ASTN2: variants seen among roughly 807,000 people sequenced by gnomAD.
The protein encoded by ASTN2 is astrotactin-2.
A neutral mutation model predicts 139.8 loss-of-function variants in ASTN2; 54 were observed. The ratio of observed to expected loss-of-function variants is 0.39; its 90% CI spans 0.31 to 0.48. The LOEUF (loss-of-function observed/expected upper bound fraction) is 0.48. ASTN2 is among the 20% of genes least tolerant of loss of function. The probability of loss-of-function intolerance (pLI) is 0.95; values close to 1 mark genes in which losing one functional copy is unlikely to be tolerated. For missense variants in ASTN2, 1,565 were observed against 1,725.1 expected, an observed-to-expected ratio of 0.91 and a Z score of 1.64; for synonymous variants, 756 against 719.5, an observed-to-expected ratio of 1.05 and a Z score of -0.81.
chr9:116,445,933 C>A (rs1205770444), intron 20 of ASTN2, among the ~76,000 whole-genome samples: 1 of 152,166 alleles, frequency 6.6e-6, no homozygotes, highest in African/African-American at 2.4e-5. Flanking sequence ...AAGACGTCAA[C>A]CTCACAGTGC....
chr9:117,172,135 G>C (rs963373319), intron 3 of ASTN2, among the ~76,000 whole-genome samples: 2 of 152,004 alleles, frequency 1.3e-5, no homozygotes, highest in Non-Finnish European at 2.9e-5. Context: ...GTCTAGGAAG[G>C]TACAAAAAAA....
chr9:116,756,769 A>AC (rs1829542244), intron 13 of ASTN2, among the ~76,000 whole-genome samples: 3 of 95,250 alleles, frequency 3.1e-5, no homozygotes, highest in Non-Finnish European at 4.4e-5. Flanking sequence ...GCTCCGAATA[A>AC]AACACACACA....
In ASTN2 at chr9:116,734,471, G is replaced by A. The variant is rs545706413; in HGVS notation, c.2397-948C>T. On this transcript the variant is annotated intron_variant, in intron 13 of 22. Transcript: ENST00000313400. Reference sequence around the variant, plus strand: ...AGAAAACTTGGCAGCCAGTTGGCACGGATGGTATCGAGGTCTTTTCCAAAT... The same window carrying A: ...AGAAAACTTGGCAGCCAGTTGGCACAGATGGTATCGAGGTCTTTTCCAAAT... 4.6e-5 allele frequency among the ~76,000 whole-genome samples: 7 copies of A among 152,214 alleles called. 1 individual carries two copies. In the South Asian group the frequency reaches 1.0e-3, roughly 23 times the overall value.
At chr9:116,778,364 A>T (rs976948394) in intron 13 of ASTN2, among the ~76,000 whole-genome samples, 6 of 151,196 alleles carry the variant, frequency 4.0e-5, no homozygotes, top group Admixed American at 2.0e-4. Context: ...AAATTTGGTC[A>T]TGTCTTTACT....
At chr9:116,632,139 A>G (rs1856777265) in intron 17 of ASTN2, among the ~76,000 whole-genome samples, 1 of 79,210 alleles carries the variant, frequency 1.3e-5, no homozygotes, top group Non-Finnish European at 2.4e-5. Context: ...AGAGAGAGAG[A>G]GAGAGAGAGA....
intron 1 of ASTN2, among the ~76,000 whole-genome samples, chr9:117,409,273 AG>A (rs1378638237): frequency 2.0e-5 from 3 of 152,192 alleles, no homozygotes; most frequent in South Asian, 2.1e-4. Flanking sequence ...ACTATTTATA[AG>A]GATTTTTTCC....
chr9:116,798,068 CAAG>C, intron 13 of ASTN2, among the ~76,000 whole-genome samples: 1 of 152,268 alleles, frequency 6.6e-6, no homozygotes, highest in East Asian at 1.9e-4. Flanking sequence ...GCCAGGAGTT[CAAG>C]ACCAGCCTGG....
At chr9:116,693,109 T>C (rs957869951) in intron 16 of ASTN2, among the ~76,000 whole-genome samples, 3 of 152,212 alleles carry the variant, frequency 2.0e-5, no homozygotes, top group Admixed American at 2.0e-4. Context: ...GCGTTATTAA[T>C]ACTAGTACTA....
intron 13 of ASTN2, 21 bp downstream of exon 13, chr9:116,805,611 G>T (rs757015494): frequency 6.2e-7 from 1 of 1,608,974 alleles, no homozygotes; most frequent in Non-Finnish European, 8.5e-7. Flanking sequence ...GACAAGCAAT[G>T]TGCAAGTATC....
chr9:116,711,283 C>T (rs925312074), intron 16 of ASTN2, among the ~76,000 whole-genome samples: 1 of 152,206 alleles, frequency 6.6e-6, no homozygotes, highest in African/African-American at 2.4e-5. Context: ...TGCCCCATAA[C>T]ATTTTACACA....
intron 3 of ASTN2, chr9:117,180,683 G>T: frequency 6.3e-7 from 1 of 1,588,176 alleles, no homozygotes; most frequent in Non-Finnish European, 8.5e-7. Flanking sequence ...ATTAAGAGGG[G>T]GCAGCACAGT....
At chr9:117,409,494 TA>T (rs1831101536) in intron 1 of ASTN2, among the ~76,000 whole-genome samples, 1 of 152,204 alleles carries the variant, frequency 6.6e-6, no homozygotes, top group Non-Finnish European at 1.5e-5. Context: ...GTATTACCGT[TA>T]GGGGTCAGCA....
At chr9:117,401,895 C>G (rs190249654) in intron 1 of ASTN2, among the ~76,000 whole-genome samples, 8 of 152,168 alleles carry the variant, frequency 5.3e-5, no homozygotes, top group Non-Finnish European at 1.0e-4. Context: ...AACAAACAAA[C>G]AAGCAATTGT....
chr9:117,289,758 C>T (rs1279197087), intron 2 of ASTN2, among the ~76,000 whole-genome samples: 1 of 152,072 alleles, frequency 6.6e-6, no homozygotes, highest in East Asian at 1.9e-4. Context: ...ATGCAGGCAC[C>T]CACTTGCTTG....
intron 3 of ASTN2, among the ~76,000 whole-genome samples, chr9:117,147,309 G>T (rs1303814751): frequency 6.6e-6 from 1 of 152,084 alleles, no homozygotes; most frequent in Non-Finnish European, 1.5e-5. Flanking sequence ...GTTTGATGCA[G>T]GCCTGTAATC....
intron 19 of ASTN2, among the ~76,000 whole-genome samples, chr9:116,512,449 G>A (rs1050033546): frequency 1.3e-5 from 2 of 152,116 alleles, no homozygotes; most frequent in African/African-American, 4.8e-5. Flanking sequence ...GAATAAGTGC[G>A]ATGTGGTGCT....
chr9:116,830,689 G>A (rs1418796529), intron 11 of ASTN2, among the ~76,000 whole-genome samples: 1 of 151,550 alleles, frequency 6.6e-6, no homozygotes, highest in Non-Finnish European at 1.5e-5. Flanking sequence ...CTACTCAGGA[G>A]GTTGAGGTGG....
At chr9:116,607,673 ACAC>A (rs1564149412) in intron 19 of ASTN2, among the ~76,000 whole-genome samples, 40 of 7,270 alleles carry the variant, frequency 5.5e-3, no homozygotes, top group Admixed American at 0.012. Context: ...AGAAATTAAC[ACAC>A]ACACACACAC....
rs189506248 is a variant in ASTN2 at position 117,332,333 on chromosome 9, G to A, written c.443-40820C>T. Among the ~76,000 whole-genome samples, 12 of 152,318 alleles carry A rather than the reference G, an allele frequency of 7.9e-5. No individual in the cohort carries two copies. In the East Asian group the frequency reaches 2.1e-3, roughly 27 times the overall value. On this transcript the variant is annotated intron_variant, in intron 1 of 22. Transcript: ENST00000313400. Reference sequence around the variant, plus strand: ...TGCCTGTAATCCCAGCACTTTGGGAGGCCAAGGTGAGTGGATCACTTGAGG... The same window carrying A: ...TGCCTGTAATCCCAGCACTTTGGGAAGCCAAGGTGAGTGGATCACTTGAGG...
Sources: allele counts gnomAD v4.1 joint callset (sites outside exome capture counted in the v4.1 genomes callset), GRCh38; gene constraint gnomAD v4.1.1; transcripts MANE v1.5; gene names NCBI Gene and HGNC (gene_info 2026-07-23, HGNC 2026-07-21).